The following OXR1 variants were observed in gnomAD, a reference collection of about 807,000 sequenced individuals.
OXR1 encodes oxidation resistance protein 1.
A neutral mutation model predicts 104.6 loss-of-function variants in OXR1; 41 were observed. The observed-to-expected ratio is 0.39, with a 90% CI of 0.31 to 0.51. The LOEUF is 0.51. OXR1 is among the 20% of genes least tolerant of loss of function. The pLI, the probability that OXR1 is intolerant of heterozygous loss-of-function variation, is 0.77. For synonymous variants in OXR1, 348 were observed against 348.4 expected, an observed-to-expected ratio of 1.00 and a Z score of 0.01; for missense variants, 955 against 1,031.9, an observed-to-expected ratio of 0.93 and a Z score of 1.02.
intron 1 of OXR1, among the ~76,000 whole-genome samples, chr8:106,339,519 A>AATATATATATATATAT (rs756741127): frequency 6.0e-5 from 2 of 33,362 alleles, no homozygotes; most frequent in Non-Finnish European, 1.1e-4. Flanking sequence ...AAAAAAAAAA[A>AATATATATATATATAT]ATATATATAT....
At chr8:106,303,366 G>A (rs1321814797) in intron 1 of OXR1, among the ~76,000 whole-genome samples, 1 of 144,804 alleles carries the variant, frequency 6.9e-6, no homozygotes, top group Non-Finnish European at 1.5e-5. Flanking sequence ...CCATTCTCCT[G>A]CCTCAGCCTC....
At chr8:106,357,439 T>C (rs1403851654) in intron 1 of OXR1, among the ~76,000 whole-genome samples, 2 of 152,156 alleles carry the variant, frequency 1.3e-5, no homozygotes, top group Non-Finnish European at 2.9e-5. Flanking sequence ...ACTTCATAGC[T>C]GCTTACTTCA....
chr8:106,448,287 T>C (rs144440616), intron 2 of OXR1, among the ~76,000 whole-genome samples: 6 of 152,324 alleles, frequency 3.9e-5, no homozygotes, highest in East Asian at 3.9e-4. Flanking sequence ...CCTTCTGATA[T>C]GTTTGCTGTG....
At chr8:106,351,432 A>G (rs1815723021) in intron 1 of OXR1, among the ~76,000 whole-genome samples, 1 of 152,202 alleles carries the variant, frequency 6.6e-6, no homozygotes, top group Admixed American at 6.5e-5. Flanking sequence ...GTGCATGTTG[A>G]GATGTAATGA....
At chr8:106,372,119 C>G (rs1816731696) in intron 2 of OXR1, among the ~76,000 whole-genome samples, 1 of 152,194 alleles carries the variant, frequency 6.6e-6, no homozygotes, top group Non-Finnish European at 1.5e-5. Flanking sequence ...TCTGCCTGTT[C>G]CAGGGTTGGA....
intron 9 of OXR1, chr8:106,707,406 TA>T (rs1831250954): frequency 1.7e-6 from 1 of 581,064 alleles, no homozygotes; most frequent in Non-Finnish European, 3.0e-6. Context: ...ATCGTATCAT[TA>T]AACAATTTAT....
intron 3 of OXR1, among the ~76,000 whole-genome samples, chr8:106,616,975 T>C (rs1343542920): frequency 6.6e-6 from 1 of 152,140 alleles, no homozygotes; most frequent in Non-Finnish European, 1.5e-5. Flanking sequence ...TGAGTTGCTG[T>C]TGAAGGGTCT....
chr8:106,706,274 CTTTTG>C (rs879605885), intron 8 of OXR1, 103 bp from the exon 9 acceptor site: 9 of 680,870 alleles, frequency 1.3e-5, no homozygotes, highest in Non-Finnish European at 2.1e-5. Context: ...GTGCTACATC[CTTTTG>C]TTAAAAAGTC....
chr8:106,714,565 A>G (rs1310976661), intron 11 of OXR1, among the ~76,000 whole-genome samples: 2 of 152,120 alleles, frequency 1.3e-5, no homozygotes, highest in African/African-American at 4.8e-5. Flanking sequence ...GAACTTGTTT[A>G]AATGGTCAAA....
chr8:106,351,197 G>T (rs953463497), intron 1 of OXR1, among the ~76,000 whole-genome samples: 1 of 152,070 alleles, frequency 6.6e-6, no homozygotes, highest in African/African-American at 2.4e-5. Context: ...AACAAATGTT[G>T]ATTGAATACC....
chr8:106,337,474 T>A (rs1231252205), intron 1 of OXR1, among the ~76,000 whole-genome samples: 1 of 152,342 alleles, frequency 6.6e-6, no homozygotes, highest in African/African-American at 2.4e-5. Flanking sequence ...AACTTGAGAT[T>A]CTTCAAATGG....
intron 2 of OXR1, among the ~76,000 whole-genome samples, chr8:106,360,353 A>C (rs1016137286): frequency 1.3e-5 from 2 of 152,220 alleles, no homozygotes; most frequent in African/African-American, 2.4e-5. Context: ...TATTCAATAC[A>C]TGAATATAAG....
At chr8:106,448,445 T>G (rs1053318547) in intron 2 of OXR1, among the ~76,000 whole-genome samples, 2 of 152,168 alleles carry the variant, frequency 1.3e-5, no homozygotes, top group Non-Finnish European at 2.9e-5. Flanking sequence ...CTTAGAGAGA[T>G]AATCATAATT....
intron 9 of OXR1, among the ~76,000 whole-genome samples, chr8:106,708,100 AC>A (rs1831324260): frequency 6.6e-6 from 1 of 152,054 alleles, no homozygotes; most frequent in Non-Finnish European, 1.5e-5. Context: ...TACCCCTTAA[AC>A]AATAAGTTGG....
rs540504649 is a variant in OXR1, at chr8:106,463,559, TATG to T, written c.24-55379_24-55377del. 6.3e-3 allele frequency among the ~76,000 whole-genome samples: 955 copies of T among 152,198 alleles called. 8 individuals carry two copies. Among genetic ancestry groups the T allele is most frequent in the Admixed American group, 0.01 (157 of 15,264 alleles). On this transcript the variant is annotated intron_variant, in intron 2 of 16. Coordinates refer to ENST00000517566, the MANE Select transcript of OXR1 (RefSeq NM_001198533.2). ...TTTTTCACCCCAAGACCTAATTTTG[TATG>T]ATGAGAATACATGATGGAAGGCTGA... is the stretch of plus-strand genomic sequence containing the variant.
At chr8:106,704,442 T>C (rs1475046919) in intron 8 of OXR1, among the ~76,000 whole-genome samples, 1 of 129,698 alleles carries the variant, frequency 7.7e-6, no homozygotes, top group Admixed American at 8.5e-5. Context: ...AGTCTCGCTC[T>C]ATCACCCAGG....
chr8:106,400,661 T>C (rs1193449334), intron 2 of OXR1, among the ~76,000 whole-genome samples: 1 of 152,192 alleles, frequency 6.6e-6, no homozygotes, highest in Non-Finnish European at 1.5e-5. Context: ...TAACATCCAA[T>C]TTAGACTGGG....
chr8:106,638,626 C>T (rs1047554600), intron 3 of OXR1, among the ~76,000 whole-genome samples: 5 of 152,272 alleles, frequency 3.3e-5, no homozygotes, highest in Admixed American at 2.6e-4. Flanking sequence ...CCCGGCTGGG[C>T]GCGATGACTC....
chr8:106,662,702 T>C (rs1825881161), intron 3 of OXR1, among the ~76,000 whole-genome samples: 1 of 152,186 alleles, frequency 6.6e-6, no homozygotes, highest in Admixed American at 6.5e-5. Flanking sequence ...ACAAAGAATT[T>C]ATAACTGTGT....
Sources: allele counts gnomAD v4.1 joint callset (sites outside exome capture counted in the v4.1 genomes callset), GRCh38; gene constraint gnomAD v4.1.1; transcripts MANE v1.5; gene names NCBI Gene and HGNC (gene_info 2026-07-23, HGNC 2026-07-21).